Variants in OSBPL11 observed in about 807,000 individuals in gnomAD.
OSBPL11 encodes the protein oxysterol binding protein like 11, also known as oxysterol-binding protein-related protein 11.
OSBPL11 carries 33 observed loss-of-function variants against 84.4 expected under a neutral mutation model. The ratio of observed to expected loss-of-function variants is 0.39; its 90% CI spans 0.30 to 0.52. The LOEUF (loss-of-function observed/expected upper bound fraction) is 0.52, where lower values mean the gene tolerates loss of function less well. Among genes scored for constraint, OSBPL11 ranks in the 20% least tolerant of loss-of-function variants. The probability of loss-of-function intolerance (pLI) is 0.72; values close to 1 mark genes in which losing one functional copy is unlikely to be tolerated. For missense variants in OSBPL11, 736 were observed against 901.1 expected, an observed-to-expected ratio of 0.82 and a Z score of 2.35; for synonymous variants, 276 against 310.2, an observed-to-expected ratio of 0.89 and a Z score of 1.16.
intron 1 of OSBPL11, among the ~76,000 whole-genome samples, chr3:125,589,761 T>C (rs965144913): frequency 2.6e-5 from 4 of 152,214 alleles, no homozygotes; most frequent in African/African-American, 7.2e-5. Flanking sequence ...TTCCTTATAA[T>C]AGTATTGACA....
chr3:125,550,051 G>A (rs893325355), intron 9 of OSBPL11, among the ~76,000 whole-genome samples: 12 of 152,068 alleles, frequency 7.9e-5, no homozygotes, highest in Non-Finnish European at 1.3e-4. Flanking sequence ...ATGGAGGGTA[G>A]CAAACTTTTT....
At position 125,547,188 on chromosome 3, in the gene OSBPL11, T is replaced by A. The variant is rs186953714; in HGVS notation, c.1841+218A>T. On this transcript the variant is annotated intron_variant, in intron 10 of 12. Coordinates refer to ENST00000296220, the MANE Select transcript of OSBPL11 (RefSeq NM_022776.5). Reference sequence around the variant, plus strand: ...TCTACTATAAAGCTCACTAGTTACTTCATCAGGAAAATTTTTAAGAGTAGA... The same window carrying A: ...TCTACTATAAAGCTCACTAGTTACTACATCAGGAAAATTTTTAAGAGTAGA... Among the ~76,000 whole-genome samples, 299 of 152,322 alleles carry A rather than the reference T, an allele frequency of 2.0e-3. 2 individuals are homozygous for A. The highest frequency in any genetic ancestry group is 2.8e-3 in the Non-Finnish European group (190 of 68,034).
chr3:125,547,190 A>G (rs544372374), intron 10 of OSBPL11, among the ~76,000 whole-genome samples: 23 of 152,352 alleles, frequency 1.5e-4, no homozygotes, highest in African/African-American at 5.1e-4. Flanking sequence ...TAGTTACTTC[A>G]TCAGGAAAAT....
At chr3:125,531,796 G>GT in intron 12 of OSBPL11, 65 bp downstream of exon 12, 1 of 1,440,918 alleles carries the variant, frequency 6.9e-7, no homozygotes. Flanking sequence ...ATTCAACAAA[G>GT]CCTAGTAAGC....
At chr3:125,542,817 G>A (rs35390264) in intron 10 of OSBPL11, among the ~76,000 whole-genome samples, 8,050 of 151,856 alleles carry the variant, frequency 0.053, 311 homozygotes, top group Middle Eastern at 0.082. Context: ...GCCTAATTTT[G>A]TATTTTTATT....
chr3:125,587,843 A>C (rs1241446536), intron 1 of OSBPL11, among the ~76,000 whole-genome samples: 1 of 152,096 alleles, frequency 6.6e-6, no homozygotes. Context: ...GGACACTGAG[A>C]TGGGAGGATT....
chr3:125,562,258 C>T (rs1936089893), intron 7 of OSBPL11, among the ~76,000 whole-genome samples: 2 of 152,086 alleles, frequency 1.3e-5, no homozygotes, highest in African/African-American at 4.8e-5. Context: ...GTTGTGACTC[C>T]AAGCAGATTA....
chr3:125,588,917 C>A (rs1275612378), intron 1 of OSBPL11, among the ~76,000 whole-genome samples: 1 of 152,162 alleles, frequency 6.6e-6, no homozygotes, highest in Non-Finnish European at 1.5e-5. Flanking sequence ...AAAATAAAGT[C>A]TAACTGTATT....
intron 12 of OSBPL11, among the ~76,000 whole-genome samples, chr3:125,530,853 G>A (rs898544030): frequency 1.3e-5 from 2 of 152,074 alleles, no homozygotes; most frequent in South Asian, 2.1e-4. Flanking sequence ...TGCCAATTTC[G>A]CCAAGATGCT....
intron 5 of OSBPL11, among the ~76,000 whole-genome samples, chr3:125,568,458 G>A (rs1936195203): frequency 6.7e-6 from 1 of 150,214 alleles, no homozygotes. Context: ...GGAATATTAA[G>A]CCATCAAGTT....
At position 125,576,280 on chromosome 3, in the gene OSBPL11, G is replaced by T; in HGVS notation, c.575C>A (p.Ala192Asp). ...PISQRRPSQN[A>D]ISFFNVGHSK... ...ATGTCCAACATTAAAAAAAGAAATG[G>T]CATTTTGACTTGGTCTCCTCTGCGA... is the stretch of plus-strand genomic sequence containing the variant. Residue 192 changes from alanine (A) to aspartate (D), a missense_variant, in exon 5 of 13, where the codon GCC becomes GAC. Transcript: ENST00000296220. 1.2e-6 allele frequency: 2 copies of T among 1,609,800 alleles called. No homozygotes were observed. Among genetic ancestry groups the T allele is most frequent in the Non-Finnish European group, 1.7e-6 (2 of 1,178,658 alleles).
intron 11 of OSBPL11, among the ~76,000 whole-genome samples, chr3:125,532,662 TGGATATA>T (rs1029980967): frequency 2.0e-5 from 3 of 150,596 alleles, no homozygotes; most frequent in Non-Finnish European, 4.4e-5. Flanking sequence ...CTGGGACAAC[TGGATATA>T]CATGTGAAAA....
In OSBPL11 at chr3:125,552,359, C is replaced by G. The variant is rs1935924661; in HGVS notation, c.1476G>C (p.Leu492Phe). 1 of 1,613,914 alleles carries G rather than the reference C, an allele frequency of 6.2e-7. No individual in the cohort carries two copies. The change falls in exon 9 of 13, where the codon TTG becomes TTC. Residue 492 changes from leucine (L) to phenylalanine (F), a missense_variant. Transcript: ENST00000296220. The part of the protein sequence containing the change: ...TNHAPLSGES[L>F]TQVGSDCYTV... ...TGTAACAGTCTGATCCCACCTGGGT[C>G]AAAGACTCCCCCGATAAAGGAGCAT...
At chr3:125,548,544 G>A (rs1935853961) in intron 9 of OSBPL11, among the ~76,000 whole-genome samples, 1 of 151,722 alleles carries the variant, frequency 6.6e-6, no homozygotes, top group Non-Finnish European at 1.5e-5. Flanking sequence ...AATTAAAGAT[G>A]GTTTAAAAGG....
At chr3:125,564,853 C>T (rs1416832126) in intron 6 of OSBPL11, among the ~76,000 whole-genome samples, 1 of 152,064 alleles carries the variant, frequency 6.6e-6, no homozygotes, top group Non-Finnish European at 1.5e-5. Context: ...CGGAGTTTCA[C>T]CATGTTGGCC....
At chr3:125,567,697 T>C (rs956448008) in intron 5 of OSBPL11, 102 bp from the exon 6 acceptor site, 1 of 939,420 alleles carries the variant, frequency 1.1e-6, no homozygotes, top group Non-Finnish European at 1.6e-6. Flanking sequence ...TGAGCCATTT[T>C]TAAAGACCTA....
chr3:125,576,400 T>A (rs1936323867), intron 4 of OSBPL11, 35 bp from the exon 5 acceptor site: 1 of 1,500,284 alleles, frequency 6.7e-7, no homozygotes, highest in Non-Finnish European at 8.9e-7. Context: ...TTTTGTTTTC[T>A]TCTTTAATTT....
intron 1 of OSBPL11, among the ~76,000 whole-genome samples, chr3:125,589,342 C>CAAAAA (rs35267505): frequency 6.5e-4 from 40 of 61,774 alleles, no homozygotes; most frequent in South Asian, 1.2e-3. Context: ...AACTCCATCT[C>CAAAAA]AAAAAAAAAA....
At chr3:125,531,612 G>T (rs1935557015) in intron 12 of OSBPL11, among the ~76,000 whole-genome samples, 1 of 151,870 alleles carries the variant, frequency 6.6e-6, no homozygotes, top group African/African-American at 2.4e-5. Context: ...CATTTTTAAT[G>T]ATATATAGAT....
Sources: gnomAD v4.1 joint callset for allele counts (sites outside exome capture counted in the v4.1 genomes callset) on GRCh38, gnomAD v4.1.1 for gene constraint, MANE v1.5 for transcripts, NCBI Gene and HGNC (gene_info 2026-07-23, HGNC 2026-07-21) for gene names.